The following MFN2 variants were observed in gnomAD, a reference collection of about 807,000 sequenced individuals.
MFN2 encodes the protein mitofusin-2.
In MFN2, 43 loss-of-function variants were observed where a neutral mutation model predicts 87.5. That is an observed-to-expected ratio of 0.49 (90% CI 0.38 to 0.63). MFN2 has a LOEUF of 0.63. MFN2 is among the 30% of genes least tolerant of loss of function. The probability of loss-of-function intolerance (pLI) is 0.00; values close to 1 mark genes in which losing one functional copy is unlikely to be tolerated. For missense variants in MFN2, 743 were observed against 972.8 expected (o/e 0.76, Z 3.14); for synonymous variants, 337 against 359.9 (o/e 0.94, Z 0.72).
chr1:12,004,890 C>T lies in MFN2; in HGVS notation c.1458C>T (p.Ile486=). ...RNMSDRCSTA[I]TNSLQTMQQD... is the part of the protein sequence containing the mutation. ...TGTCTGACCGCTGCTCCACGGCCAT[C>T]ACCAACTCCCTGCAGACCATGCAGC... The change falls in exon 14 of 19, where the codon ATC becomes ATT. Residue 486 remains isoleucine, a synonymous_variant. Coordinates refer to ENST00000235329, the MANE Select transcript of MFN2 (RefSeq NM_014874.4). The surrounding 1 kb of genome is among the most constrained non-coding windows in gnomAD (Gnocchi z 4.2). The T allele has an allele frequency of 5.0e-6, 8 of 1,613,334 alleles. No homozygotes were observed. The highest frequency in any genetic ancestry group is 6.8e-6 in the Non-Finnish European group (8 of 1,179,668).
chr1:11,997,611 C>T (rs1357557436), intron 6 of MFN2, among the ~76,000 whole-genome samples, 190 bp downstream of exon 6: 1 of 152,158 alleles, frequency 6.6e-6, no homozygotes, highest in East Asian at 1.9e-4. Context: ...ACCTATTTAT[C>T]AGTACCCTGC....
At position 12,006,640 on chromosome 1, in the gene MFN2, C is replaced by T. The variant is rs1639431336; in HGVS notation, c.1819C>T (p.Leu607=). 6.2e-7 allele frequency: 1 copy of T among 1,614,064 alleles called. No homozygotes were observed. The highest frequency in any genetic ancestry group is 1.7e-5 in the Admixed American group (1 of 60,006). ...GTTCATGGTTTCCATGGTTACCGGCCTGGCCTCCTTGACATCCAGGACCTC... is the reference window on the plus strand; with the variant it reads ...GTTCATGGTTTCCATGGTTACCGGCTTGGCCTCCTTGACATCCAGGACCTC... The part of the protein sequence containing the change: ...EEFMVSMVTG[L]ASLTSRTSMG... The change falls in exon 16 of 19, where the codon CTG becomes TTG. Residue 607 remains leucine (L), a synonymous_variant. Coordinates refer to ENST00000235329, the MANE Select transcript of MFN2 (RefSeq NM_014874.4).
intron 2 of MFN2, among the ~76,000 whole-genome samples, chr1:11,986,695 A>G (rs531161652): frequency 4.6e-5 from 7 of 151,696 alleles, no homozygotes; most frequent in African/African-American, 9.7e-5. Flanking sequence ...GGTTCAAGCA[A>G]TTCTCGTGCC....
intron 2 of MFN2, among the ~76,000 whole-genome samples, chr1:11,988,411 T>TG (rs1297639471): frequency 6.6e-6 from 1 of 150,912 alleles, no homozygotes; most frequent in Non-Finnish European, 1.5e-5. Flanking sequence ...CTGTTTTTTT[T>TG]TTTTTTTTTA....
intron 4 of MFN2, among the ~76,000 whole-genome samples, chr1:11,994,738 A>G (rs1638837767): frequency 6.6e-6 from 1 of 152,156 alleles, no homozygotes; most frequent in African/African-American, 2.4e-5. Flanking sequence ...CCTCTGAACT[A>G]TCATTTCTTC....
chr1:12,009,577 C>G lies in MFN2; in HGVS notation c.2070-15C>G. 1 of 1,614,214 alleles carries G rather than the reference C, an allele frequency of 6.2e-7. No homozygotes were observed. Among genetic ancestry groups the G allele is most frequent in the Non-Finnish European group, 8.5e-7 (1 of 1,180,026 alleles). On this transcript the variant is annotated splice_polypyrimidine_tract_variant and intron_variant, in intron 17 of 18. Transcript: ENST00000235329. Reference sequence around the variant, plus strand: ...TCCACACACCCCAACTGGGTCCCTTCTCTCTCCTCCCCAGGGAACTGTCTG... The same window carrying G: ...TCCACACACCCCAACTGGGTCCCTTGTCTCTCCTCCCCAGGGAACTGTCTG...
chr1:11,998,636 A>G (rs1639034912), intron 6 of MFN2, 134 bp from the exon 7 acceptor site: 1 of 806,432 alleles, frequency 1.2e-6, no homozygotes, highest in South Asian at 1.3e-5. Flanking sequence ...AATGAGGGCC[A>G]GGCCTGATTT....
At chr1:12,002,755 G>A (rs1639234686) in intron 11 of MFN2, among the ~76,000 whole-genome samples, 3 of 152,194 alleles carry the variant, frequency 2.0e-5, no homozygotes. Flanking sequence ...TTTATGTTAA[G>A]TTAAAATTTT....
chr1:12,009,245 G>A (rs1489302326), intron 17 of MFN2, among the ~76,000 whole-genome samples: 1 of 152,104 alleles, frequency 6.6e-6, no homozygotes, highest in Non-Finnish European at 1.5e-5. Flanking sequence ...GAGAGGGAGA[G>A]GGCCATCTCC....
At chr1:11,996,007 CAG>C (rs1163126015) in intron 4 of MFN2, 147 bp from the exon 5 acceptor site, 3 of 935,856 alleles carry the variant, frequency 3.2e-6, no homozygotes, top group Admixed American at 3.7e-5. Context: ...TTTTAATAAA[CAG>C]TGCCTACTCT....
intron 2 of MFN2, among the ~76,000 whole-genome samples, chr1:11,985,878 C>T (rs183891887): frequency 6.6e-6 from 1 of 152,322 alleles, no homozygotes; most frequent in East Asian, 1.9e-4. Context: ...TTTCAGCGCA[C>T]TCTCCTTTGC....
intron 2 of MFN2, chr1:11,982,627 G>A (rs1646006683): frequency 6.6e-6 from 1 of 152,128 alleles, no homozygotes; most frequent in African/African-American, 2.4e-5. Context: ...CTGTGCTTGG[G>A]ATCCAAACAC....
chr1:11,981,058 C>A (rs1645975408), intron 1 of MFN2, among the ~76,000 whole-genome samples: 1 of 152,236 alleles, frequency 6.6e-6, no homozygotes, highest in African/African-American at 2.4e-5. Flanking sequence ...CGTAATCCTT[C>A]ATTGCCCTCT....
intron 4 of MFN2, among the ~76,000 whole-genome samples, chr1:11,992,913 C>T (rs1015027179): frequency 6.6e-6 from 1 of 151,522 alleles, no homozygotes; most frequent in Non-Finnish European, 1.5e-5. Context: ...AGGTGATCCT[C>T]CCACCTGAGC....
chr1:12,001,830 A>T lies in MFN2; in HGVS notation c.1032A>T (p.Arg344Ser). 6.2e-7 allele frequency: 1 copy of T among 1,614,016 alleles called. No homozygotes were observed. Among genetic ancestry groups the T allele is most frequent in the Non-Finnish European group, 8.5e-7 (1 of 1,179,968 alleles). ...TTGAGTTTCAGAATTTTGAGAGGAG[A>T]TTTGAGGTGAGTCCTCTGATTCTGG... ...RMFEFQNFER[R>S]FEECISQSAV... is the part of the protein sequence containing the mutation. Residue 344 changes from arginine to serine, a missense_variant, in exon 10 of 19, where the codon AGA becomes AGT. Coordinates refer to ENST00000235329, the MANE Select transcript of MFN2 (RefSeq NM_014874.4).
chr1:12,009,232 CGGGAGAGGGAGA>C (rs1176776623), intron 17 of MFN2, among the ~76,000 whole-genome samples: 1 of 150,954 alleles, frequency 6.6e-6, no homozygotes, highest in Non-Finnish European at 1.5e-5. Context: ...GGAGAGGGAG[CGGGAGAGGGAGA>C]GGGCCATCTC....
chr1:12,005,988 C>T (rs769784779), intron 15 of MFN2, 57 bp downstream of exon 15: 52 of 1,533,696 alleles, frequency 3.4e-5, no homozygotes, highest in Admixed American at 1.3e-4. Flanking sequence ...TACCCTGCCT[C>T]CAGACACGGG....
intron 2 of MFN2, among the ~76,000 whole-genome samples, chr1:11,984,789 C>T (rs1638321546): frequency 6.6e-6 from 1 of 152,226 alleles, no homozygotes; most frequent in African/African-American, 2.4e-5. Flanking sequence ...TAGCTGAACA[C>T]ACGGAGGTTC....
At chr1:11,985,496 T>A in intron 2 of MFN2, among the ~76,000 whole-genome samples, 2 of 139,366 alleles carry the variant, frequency 1.4e-5, no homozygotes, top group African/African-American at 2.8e-5. Context: ...GAGAGAGACT[T>A]CGCTCTGTCA....
Sources: gnomAD v4.1 joint callset for allele counts (sites outside exome capture counted in the v4.1 genomes callset) on GRCh38, gnomAD v4.1.1 for gene constraint, Gnocchi (gnomAD v3.1) non-coding constraint, MANE v1.5 for transcripts, NCBI Gene and HGNC (gene_info 2026-07-23, HGNC 2026-07-21) for gene names.